MBTPS1: variants seen among roughly 807,000 people sequenced by gnomAD.
The protein encoded by MBTPS1 is membrane bound transcription factor peptidase, site 1, also known as membrane-bound transcription factor site-1 protease.
Under a neutral mutation model 127.8 loss-of-function variants are expected in MBTPS1, and 94 were observed. The observed-to-expected ratio is 0.74, with a 90% CI of 0.62 to 0.87. The LOEUF is 0.87. Among genes scored for constraint, MBTPS1 ranks in the 40% least tolerant of loss-of-function variants. MBTPS1 has a pLI of 0.00. For missense variants in MBTPS1, 1,636 were observed against 1,353.2 expected (o/e 1.21, Z -3.28); for synonymous variants, 632 against 509.4 (o/e 1.24, Z -3.24).
intron 18 of MBTPS1, among the ~76,000 whole-genome samples, chr16:84,063,856 C>G (rs1409556875): frequency 6.6e-6 from 1 of 152,166 alleles, no homozygotes; most frequent in Non-Finnish European, 1.5e-5. Flanking sequence ...ACACAGGTTT[C>G]TCTATGAATA....
chr16:84,084,331 T>C (rs996480632), intron 10 of MBTPS1, among the ~76,000 whole-genome samples: 1 of 152,066 alleles, frequency 6.6e-6, no homozygotes, highest in Non-Finnish European at 1.5e-5. Flanking sequence ...TCCAACTGCA[T>C]GAGATTCAGT....
At chr16:84,070,545 T>A (rs1447096641) in intron 13 of MBTPS1, 43 bp downstream of exon 13, 1 of 1,597,398 alleles carries the variant, frequency 6.3e-7, no homozygotes, top group Non-Finnish European at 8.5e-7. Flanking sequence ...AAAGGTGATG[T>A]CAAACAGCTA....
At chr16:84,077,842 G>A (rs541308485) in intron 11 of MBTPS1, among the ~76,000 whole-genome samples, 2 of 152,042 alleles carry the variant, frequency 1.3e-5, no homozygotes, top group South Asian at 4.2e-4. Context: ...CATCCCTGAC[G>A]GAGGGTTACT....
At chr16:84,107,603 G>C (rs902365463) in intron 1 of MBTPS1, among the ~76,000 whole-genome samples, 1 of 152,030 alleles carries the variant, frequency 6.6e-6, no homozygotes, top group Non-Finnish European at 1.5e-5. Flanking sequence ...TTTCCTTTAA[G>C]GAAAACAAAA....
Position 84,063,314 on chromosome 16 carries a change from G to T in MBTPS1, c.2563C>A (p.Arg855=). 1 of 1,609,610 alleles carries T rather than the reference G, an allele frequency of 6.2e-7. No homozygotes were observed. Among genetic ancestry groups the T allele is most frequent in the East Asian group, 2.2e-5 (1 of 44,792 alleles). ...GDSNCLDDSH[R]QKDCFWLLDA... ...TCTGCGTTTTTCCTACCCTTCTGTC[G>T]GTGACTGTCATCCAAGCAATTGGAG... is the stretch of plus-strand genomic sequence containing the variant. The change falls in exon 19 of 23, where the codon CGA becomes AGA. Residue 855 remains arginine (R), a synonymous_variant. Coordinates refer to ENST00000343411, the MANE Select transcript of MBTPS1 (RefSeq NM_003791.4).
At chr16:84,091,598 T>G in intron 7 of MBTPS1, 134 bp downstream of exon 7, 1 of 650,478 alleles carries the variant, frequency 1.5e-6, no homozygotes. Flanking sequence ...GAAGCTCACG[T>G]CATTAGCCAT....
chr16:84,071,734 A>G (rs77710317), intron 12 of MBTPS1: 1 of 152,180 alleles, frequency 6.6e-6, no homozygotes, highest in Admixed American at 6.5e-5. Flanking sequence ...ACTACATGAA[A>G]TGTAAAACTT....
chr16:84,085,577 C>G (rs1194991568), intron 9 of MBTPS1, among the ~76,000 whole-genome samples: 20 of 99,786 alleles, frequency 2.0e-4, no homozygotes, highest in Non-Finnish European at 3.1e-4. Flanking sequence ...ACCCGCCCCC[C>G]CCCCAAAAAA....
intron 10 of MBTPS1, among the ~76,000 whole-genome samples, chr16:84,083,768 G>A (rs1252511630): frequency 2.6e-5 from 4 of 152,162 alleles, no homozygotes; most frequent in African/African-American, 9.7e-5. Context: ...AGTTTTGTGT[G>A]TTATCACAAC....
chr16:84,101,686 GC>G lies in MBTPS1; in HGVS notation c.97del (p.Ala33ProfsTer9). 6.2e-7 allele frequency: 1 copy of G among 1,614,104 alleles called. No individual in the cohort carries two copies. ...DRLEKKSFEK[A>X]PCPGCSHLTL... ...CAGGTGGGAACAGCCAGGGCATGGG[GC>G]CTTTTCAAAAGATTTCTTTTCCAGT... On this transcript the variant is annotated frameshift_variant, in exon 2 of 23. Coordinates refer to ENST00000343411, the MANE Select transcript of MBTPS1 (RefSeq NM_003791.4). LOFTEE classifies it high-confidence loss of function.
chr16:84,077,234 G>GAAAAAAAAAAAAAAAAAAA (rs1191331764), intron 11 of MBTPS1, among the ~76,000 whole-genome samples: 1 of 100,274 alleles, frequency 1.0e-5, no homozygotes, highest in Non-Finnish European at 2.0e-5. Flanking sequence ...CATTAAAAAA[G>GAAAAAAAAAAAAAAAAAAA]AAAAAAAAAA....
chr16:84,090,211 A>C (rs2086084381), intron 8 of MBTPS1, among the ~76,000 whole-genome samples: 1 of 152,206 alleles, frequency 6.6e-6, no homozygotes. Context: ...CTAGAGAATA[A>C]AATGAAGCTG....
intron 3 of MBTPS1, among the ~76,000 whole-genome samples, chr16:84,096,334 A>G (rs1000155027): frequency 1.3e-5 from 2 of 152,204 alleles, no homozygotes; most frequent in African/African-American, 2.4e-5. Flanking sequence ...TTCAAAAACA[A>G]AAGGACTACA....
chr16:84,073,920 C>T (rs1334661053), intron 12 of MBTPS1, among the ~76,000 whole-genome samples: 1 of 152,114 alleles, frequency 6.6e-6, no homozygotes, highest in African/African-American at 2.4e-5. Flanking sequence ...CCAGTAGAAT[C>T]GCTTGAACCT....
At chr16:84,058,251 TATG>T (rs1341785264) in intron 21 of MBTPS1, among the ~76,000 whole-genome samples, 3 of 152,226 alleles carry the variant, frequency 2.0e-5, no homozygotes, top group African/African-American at 7.2e-5. Flanking sequence ...ACTTTCGGTT[TATG>T]ATGAGGAGTA....
intron 6 of MBTPS1, among the ~76,000 whole-genome samples, chr16:84,092,852 TTGTTC>T (rs2086128220): frequency 6.6e-6 from 1 of 152,152 alleles, no homozygotes; most frequent in Non-Finnish European, 1.5e-5. Flanking sequence ...CTATCTGCAA[TTGTTC>T]TGTTCTATCA....
chr16:84,064,399 T>A (rs578012944), intron 18 of MBTPS1, among the ~76,000 whole-genome samples: 1 of 152,276 alleles, frequency 6.6e-6, no homozygotes, highest in East Asian at 1.9e-4. Context: ...ATTTCTGCCA[T>A]CAGGGTCTTT....
rs1488218760 is a variant in MBTPS1, at chr16:84,054,639, A to G, written c.2969T>C (p.Met990Thr). The G allele has an allele frequency of 1.9e-6, 3 of 1,600,280 alleles. No individual in the cohort carries two copies. Among genetic ancestry groups the G allele is most frequent in the Non-Finnish European group, 2.6e-6 (3 of 1,172,010 alleles). The change falls in exon 23 of 23, where the codon ATG (methionine) becomes ACG (threonine). Residue 990 changes from methionine to threonine, a missense_variant. Met to Thr is a moderately conservative substitution (Grantham distance 81). Coordinates refer to ENST00000343411, the MANE Select transcript of MBTPS1 (RefSeq NM_003791.4). ...SGAWDIPGGIMPGRYNQEVGQ... is the reference protein window; with the variant it reads ...SGAWDIPGGITPGRYNQEVGQ... Reference sequence around the variant, plus strand: ...CACCTCCTGGTTGTAGCGGCCAGGCATGATCCCTGTAAGAGGACAGCCGGT... The same window carrying G: ...CACCTCCTGGTTGTAGCGGCCAGGCGTGATCCCTGTAAGAGGACAGCCGGT...
chr16:84,067,670 G>A lies in MBTPS1; in HGVS notation c.2225C>T (p.Thr742Ile). ...TACCAATGCGTATCAACAGTACCTT[G>A]TGTTTTCATCATAAAACTTCACTTT... ...MRKVKFYDEN[T>I]RQWWMPDTGG... The change falls in exon 16 of 23, where the codon ACA becomes ATA. Residue 742 changes from threonine (T) to isoleucine (I), a missense_variant. Transcript: ENST00000343411. 1.1e-5 allele frequency: 18 copies of A among 1,611,192 alleles called. No homozygotes were observed. Among genetic ancestry groups the A allele is most frequent in the Non-Finnish European group, 1.4e-5 (16 of 1,177,516 alleles).
Sources: gnomAD v4.1 joint callset for allele counts (sites outside exome capture counted in the v4.1 genomes callset) on GRCh38, gnomAD v4.1.1 for gene constraint, MANE v1.5 for transcripts, NCBI Gene and HGNC (gene_info 2026-07-23, HGNC 2026-07-21) for gene names.